MYO16: variants seen among roughly 807,000 people sequenced by gnomAD.
The protein encoded by MYO16 is myosin XVI.
In MYO16, 94 loss-of-function variants were observed where a neutral mutation model predicts 205.3. That is an observed-to-expected ratio of 0.46 (90% CI 0.39 to 0.54). The LOEUF is 0.54. MYO16 is among the 20% of genes least tolerant of loss of function. MYO16 has a pLI of 0.00. For missense variants in MYO16, 2,315 were observed against 2,387.5 expected, an observed-to-expected ratio of 0.97 and a Z score of 0.63; for synonymous variants, 988 against 954.0, an observed-to-expected ratio of 1.04 and a Z score of -0.66.
intron 27 of MYO16, among the ~76,000 whole-genome samples, chr13:109,069,863 T>C (rs970887712): frequency 3.9e-5 from 6 of 152,148 alleles, no homozygotes; most frequent in African/African-American, 1.4e-4. Context: ...ATAACACTTA[T>C]CTCAATAGAT....
At chr13:108,779,914 G>T (rs1886246490) in intron 4 of MYO16, 1 of 152,184 alleles carries the variant, frequency 6.6e-6, no homozygotes, top group South Asian at 2.1e-4. Context: ...ACCTGGAGTT[G>T]ATCCTTAATT....
At chr13:108,563,116 C>T in the MYO16 span, among the ~76,000 whole-genome samples, 5 of 152,078 alleles carry the variant, frequency 3.3e-5, no homozygotes, top group East Asian at 1.9e-4. Context: ...ATGCTTTCTG[C>T]GTTTTGTTAT....
intron 9 of MYO16, among the ~76,000 whole-genome samples, chr13:108,827,312 GCT>G (rs1876327874): frequency 6.6e-6 from 1 of 151,950 alleles, no homozygotes; most frequent in Non-Finnish European, 1.5e-5. Context: ...TCATTTTTCT[GCT>G]ATCTCAGGAT....
At chr13:108,927,116 AAGAGAGAG>A (rs141822029) in intron 16 of MYO16, among the ~76,000 whole-genome samples, 1 of 149,456 alleles carries the variant, frequency 6.7e-6, no homozygotes, top group Admixed American at 6.7e-5. Context: ...TCAACAACTG[AAGAGAGAG>A]AGAGAGAGAG....
rs749547949 is a variant in MYO16 at position 108,972,205 on chromosome 13, G to GTCTCTC, written c.2369+7343_2369+7348dup. On this transcript the variant is annotated intron_variant, in intron 20 of 34. Transcript: ENST00000457511. ...AGCCTGGATGACAGACTGAGACCCTGTCTCTCTCTCTCTCTCTCTCTCTCT... is the reference window on the plus strand; with the variant it reads ...AGCCTGGATGACAGACTGAGACCCTGTCTCTCTCTCTCTCTCTCTCTCTCTCTCTCT... 4.0e-3 allele frequency among the ~76,000 whole-genome samples: 44 copies of GTCTCTC among 11,136 alleles called. 12 individuals carry two copies. The highest frequency in any genetic ancestry group is 0.017 in the East Asian group (4 of 238). 7.3% of individuals were successfully genotyped at this position (11,136 alleles called of 152,430 possible).
At chr13:109,191,548 G>C (rs1483442570) in intron 34 of MYO16, among the ~76,000 whole-genome samples, 1 of 152,122 alleles carries the variant, frequency 6.6e-6, no homozygotes, top group East Asian at 1.9e-4. Context: ...AGCCTCCTGA[G>C]CAAAGATATG....
At chr13:109,113,016 T>C (rs961153729) in intron 28 of MYO16, among the ~76,000 whole-genome samples, 1 of 152,196 alleles carries the variant, frequency 6.6e-6, no homozygotes, top group Admixed American at 6.5e-5. Flanking sequence ...TGTAGAGATG[T>C]ATACAAGGTA....
At chr13:108,684,091 G>T (rs150170008) in intron 2 of MYO16, among the ~76,000 whole-genome samples, 4,800 of 152,252 alleles carry the variant, frequency 0.032, 121 homozygotes, top group South Asian at 0.064. Context: ...GGCCAAGATG[G>T]CCTCGATCTC....
At chr13:108,981,743 T>G (rs1177456525) in intron 20 of MYO16, among the ~76,000 whole-genome samples, 2 of 152,248 alleles carry the variant, frequency 1.3e-5, no homozygotes, top group Non-Finnish European at 2.9e-5. Context: ...TACTTACTGT[T>G]TTAAGTCACT....
chr13:108,641,840 A>C (rs1423648493), intron 1 of MYO16, among the ~76,000 whole-genome samples: 1 of 152,120 alleles, frequency 6.6e-6, no homozygotes, highest in Non-Finnish European at 1.5e-5. Context: ...TGTACCCACA[A>C]AATCAGTTCA....
chr13:108,680,309 A>G (rs907274207), intron 2 of MYO16, among the ~76,000 whole-genome samples: 1 of 152,168 alleles, frequency 6.6e-6, no homozygotes, highest in Non-Finnish European at 1.5e-5. Flanking sequence ...TATTTTTTGC[A>G]TATTTGTTTT....
intron 3 of MYO16, among the ~76,000 whole-genome samples, chr13:108,726,605 C>T (rs1282638203): frequency 6.6e-6 from 1 of 151,188 alleles, no homozygotes; most frequent in African/African-American, 2.4e-5. Context: ...CATAAAAGGA[C>T]TGGATGATTT....
At chr13:108,602,935 C>G (rs887601594) in intron 1 of MYO16, among the ~76,000 whole-genome samples, 2 of 152,068 alleles carry the variant, frequency 1.3e-5, no homozygotes, top group African/African-American at 4.8e-5. Context: ...AGGGAACATT[C>G]CTGGAGAAAG....
the MYO16 span, among the ~76,000 whole-genome samples, chr13:108,505,605 C>A: frequency 6.6e-6 from 1 of 151,916 alleles, no homozygotes; most frequent in African/African-American, 2.4e-5. Context: ...TTTGAAAATA[C>A]TTTCTCCCAT....
intron 16 of MYO16, among the ~76,000 whole-genome samples, chr13:108,934,991 T>C (rs970167921): frequency 2.0e-5 from 3 of 152,190 alleles, no homozygotes; most frequent in Non-Finnish European, 4.4e-5. Context: ...GTGTCTGTTT[T>C]TGTACCAGTA....
intron 32 of MYO16, among the ~76,000 whole-genome samples, chr13:109,157,333 T>C (rs940128333): frequency 8.0e-5 from 12 of 149,410 alleles, no homozygotes; most frequent in African/African-American, 2.7e-4. Flanking sequence ...GTGATGCTCA[T>C]AGACTCCAAA....
chr13:108,691,589 A>G (rs1004551580), intron 2 of MYO16, among the ~76,000 whole-genome samples: 4 of 152,130 alleles, frequency 2.6e-5, no homozygotes, highest in Non-Finnish European at 5.9e-5. Context: ...CCCAGCCTGG[A>G]GTACAGTTAC....
At chr13:108,691,629 C>T (rs1259439466) in intron 2 of MYO16, among the ~76,000 whole-genome samples, 9 of 152,150 alleles carry the variant, frequency 5.9e-5, no homozygotes, top group Non-Finnish European at 1.0e-4. Context: ...CCTTGAACTC[C>T]TGGGCTCAAG....
rs1381740712 is a variant in MYO16 at position 109,139,987 on chromosome 13, CT to C, written c.4052-276del. On this transcript the variant is annotated intron_variant, in intron 31 of 34. Transcript: ENST00000457511. ...GGTGGGTAGCAGCAGAAGTGGTGGT[CT>C]CCTTCCTCACTGGAACCCCTTGACG... is the stretch of plus-strand genomic sequence containing the variant. Among the ~76,000 whole-genome samples, 3 of 152,106 alleles carry C rather than the reference CT, an allele frequency of 2.0e-5. No homozygotes were observed. The East Asian group carries it at 5.8e-4, about 29-fold the overall frequency.
Sources: gnomAD v4.1 joint callset for allele counts (sites outside exome capture counted in the v4.1 genomes callset) on GRCh38, gnomAD v4.1.1 for gene constraint, MANE v1.5 for transcripts, NCBI Gene and HGNC (gene_info 2026-07-23, HGNC 2026-07-21) for gene names.